The following AGBL3 variants were observed in gnomAD, a reference collection of about 807,000 sequenced individuals.
AGBL3 encodes cytosolic carboxypeptidase 3.
A neutral mutation model predicts 94.5 loss-of-function variants in AGBL3; 68 were observed. That is an observed-to-expected ratio of 0.72 (90% CI 0.59 to 0.88). The LOEUF is 0.88. Ranked by LOEUF, AGBL3 falls within the 40% of genes least tolerant of loss-of-function variation. AGBL3 has a pLI of 0.00. For synonymous variants in AGBL3, 354 were observed against 370.7 expected, an observed-to-expected ratio of 0.95 and a Z score of 0.52; for missense variants, 934 against 1,103.8, an observed-to-expected ratio of 0.85 and a Z score of 2.18.
intron 11 of AGBL3, among the ~76,000 whole-genome samples, chr7:135,053,330 G>A (rs947122483): frequency 1.3e-5 from 2 of 152,052 alleles, no homozygotes; most frequent in Admixed American, 6.6e-5. Context: ...CAGCCAGGCC[G>A]GGCAGGGTGG....
At chr7:135,022,436 CAT>C (rs1488059655) in intron 5 of AGBL3, among the ~76,000 whole-genome samples, 54 of 151,818 alleles carry the variant, frequency 3.6e-4, no homozygotes, top group African/African-American at 1.2e-3. Flanking sequence ...AGCTTTTCTT[CAT>C]ATGTTTGTTG....
At chr7:135,133,707 T>C (rs1829101562) in intron 16 of AGBL3, among the ~76,000 whole-genome samples, 1 of 152,120 alleles carries the variant, frequency 6.6e-6, no homozygotes, top group Admixed American at 6.6e-5. Flanking sequence ...GCTGGAACAA[T>C]TGGATATCCA....
intron 5 of AGBL3, among the ~76,000 whole-genome samples, chr7:135,020,047 C>A (rs1584853586): frequency 1.3e-5 from 2 of 152,100 alleles, no homozygotes; most frequent in South Asian, 4.1e-4. Flanking sequence ...GCAACAAAAG[C>A]CAAAATTGAC....
intron 3 of AGBL3, 109 bp from the exon 4 acceptor site, chr7:134,993,384 T>TTA (rs2133374159): frequency 1.2e-6 from 1 of 860,586 alleles, no homozygotes; most frequent in African/African-American, 1.7e-5. Context: ...TTTATAATGA[T>TTA]ACCCACACAT....
chr7:135,101,778 G>A (rs887205047), intron 15 of AGBL3, among the ~76,000 whole-genome samples: 1 of 152,112 alleles, frequency 6.6e-6, no homozygotes, highest in African/African-American at 2.4e-5. Flanking sequence ...ATTCCATCAT[G>A]GTTGATATGG....
intron 15 of AGBL3, among the ~76,000 whole-genome samples, chr7:135,096,175 C>T (rs1334690984): frequency 6.6e-6 from 1 of 151,956 alleles, no homozygotes; most frequent in East Asian, 1.9e-4. Context: ...TAATCTTTGA[C>T]TTTACCTGTG....
At chr7:135,088,633 C>T (rs1342840031) in intron 15 of AGBL3, among the ~76,000 whole-genome samples, 4 of 152,132 alleles carry the variant, frequency 2.6e-5, no homozygotes, top group South Asian at 2.1e-4. Context: ...TGAAGGATAG[C>T]TTTGCTGGGT....
At chr7:135,008,171 T>C (rs1159018884) in intron 4 of AGBL3, among the ~76,000 whole-genome samples, 1 of 151,428 alleles carries the variant, frequency 6.6e-6, no homozygotes, top group Non-Finnish European at 1.5e-5. Flanking sequence ...GAACCCAGAA[T>C]GGCCAAAAAA....
chr7:135,130,599 T>C (rs1167299361), intron 16 of AGBL3, among the ~76,000 whole-genome samples: 2 of 151,786 alleles, frequency 1.3e-5, no homozygotes, highest in Non-Finnish European at 2.9e-5. Context: ...AGCTTAATAA[T>C]ATATTAATTT....
intron 5 of AGBL3, among the ~76,000 whole-genome samples, chr7:135,019,587 AG>A (rs369002856): frequency 1.3e-5 from 2 of 152,158 alleles, no homozygotes; most frequent in African/African-American, 4.8e-5. Flanking sequence ...GCTATTGAAA[AG>A]ACTATCCTCG....
intron 15 of AGBL3, among the ~76,000 whole-genome samples, chr7:135,098,950 T>C (rs1016948355): frequency 3.3e-5 from 5 of 152,158 alleles, no homozygotes; most frequent in Admixed American, 1.3e-4. Context: ...AGAGAAACAT[T>C]ATAAAAAAAT....
intron 15 of AGBL3, among the ~76,000 whole-genome samples, chr7:135,101,829 C>T (rs1423847834): frequency 6.6e-6 from 1 of 152,202 alleles, no homozygotes; most frequent in Non-Finnish European, 1.5e-5. Flanking sequence ...TCAATTATAG[C>T]TCCCATAATT....
intron 4 of AGBL3, among the ~76,000 whole-genome samples, chr7:135,009,044 G>A (rs908421993): frequency 1.3e-5 from 2 of 152,188 alleles, no homozygotes; most frequent in South Asian, 2.1e-4. Flanking sequence ...ATGTAAAATT[G>A]TGCAGCTACT....
intron 6 of AGBL3, among the ~76,000 whole-genome samples, chr7:135,033,829 C>A (rs1816024118): frequency 6.6e-6 from 1 of 152,108 alleles, no homozygotes; most frequent in South Asian, 2.1e-4. Context: ...GTTTTGGTAA[C>A]TCTTTAATCA....
Position 135,045,479 on chromosome 7 carries a change from AAACGAG to A in AGBL3, c.1634_1639del (p.Lys545_Gly547delinsSer), listed in dbSNP as rs1391131160. The A allele has an allele frequency of 6.4e-7, 1 of 1,550,862 alleles. No individual in the cohort carries two copies. The highest frequency in any genetic ancestry group is 8.7e-7 in the Non-Finnish European group (1 of 1,146,412). ...TAAACTTATTGATGTTTTAGGTAAC[AAACGAG>A]GCACTCATTTCAGCACGAAAGACCT... is the stretch of plus-strand genomic sequence containing the variant. On this transcript the variant is annotated inframe_deletion, in exon 10 of 17. Transcript: ENST00000436302.
Position 135,081,722 on chromosome 7 carries a change from C to A in AGBL3, c.2042C>A (p.Thr681Lys). 1.3e-6 allele frequency: 2 copies of A among 1,534,194 alleles called. No individual in the cohort carries two copies. Among genetic ancestry groups the A allele is most frequent in the South Asian group, 1.2e-5 (1 of 81,840 alleles). The stretch of plus-strand genomic sequence containing the variant: ...TGATCTTTATCATCTTCTCTAGATA[C>A]AAGGCCAAATGAACCAGATGATTAT... The part of the protein sequence containing the change: ...HTQSNSDVKD[T>K]RPNEPDDYMV... The change falls in exon 15 of 17, where the codon ACA (threonine) becomes AAA (lysine). Residue 681 changes from threonine (T) to lysine (K), a missense_variant. Around this residue, in one of 3 missense-constraint regions of AGBL3, gnomAD observed 441 missense variants for 518.2 expected, o/e 0.85. Coordinates refer to ENST00000436302, the MANE Select transcript of AGBL3 (RefSeq NM_178563.4).
At chr7:135,026,079 C>T (rs1005543962) in intron 5 of AGBL3, among the ~76,000 whole-genome samples, 4 of 151,252 alleles carry the variant, frequency 2.6e-5, no homozygotes, top group African/African-American at 4.8e-5. Context: ...CCTAATAGAA[C>T]ACCCAGCAAC....
chr7:134,993,608 T>G lies in AGBL3; in HGVS notation c.240T>G (p.Ser80=). The change falls in exon 4 of 17, where the codon TCT becomes TCG. Residue 80 remains serine (S), a synonymous_variant. Transcript: ENST00000436302. ...REPRDLYGVS[S]SGPLSPTRWP... Reference sequence around the variant, plus strand: ...CAAGGGATTTATATGGTGTCTCTTCTTCTGGTCCATTGAGCCCAACACGGT... The same window carrying G: ...CAAGGGATTTATATGGTGTCTCTTCGTCTGGTCCATTGAGCCCAACACGGT... 6.4e-7 allele frequency: 1 copy of G among 1,552,194 alleles called. No individual in the cohort carries two copies. Among genetic ancestry groups the G allele is most frequent in the East Asian group, 2.4e-5 (1 of 40,922 alleles).
intron 5 of AGBL3, among the ~76,000 whole-genome samples, chr7:135,023,123 C>A (rs971792955): frequency 2.0e-5 from 3 of 152,076 alleles, no homozygotes; most frequent in Non-Finnish European, 4.4e-5. Flanking sequence ...TTCTCAATTC[C>A]TGCTTCCCTT....
Sources: gnomAD v4.1 joint callset for allele counts (sites outside exome capture counted in the v4.1 genomes callset) on GRCh38, gnomAD v4.1.1 for gene constraint, gnomAD v4.1.1 regional missense constraint, MANE v1.5 for transcripts, NCBI Gene and HGNC (gene_info 2026-07-23, HGNC 2026-07-21) for gene names.